The following TGFBRAP1 variants were observed in gnomAD, a reference collection of about 807,000 sequenced individuals.
The protein encoded by TGFBRAP1 is transforming growth factor-beta receptor-associated protein 1.
A neutral mutation model predicts 83.2 loss-of-function variants in TGFBRAP1; 20 were observed. That is an observed-to-expected ratio of 0.24 (90% confidence interval 0.17 to 0.35). TGFBRAP1 has a LOEUF of 0.35. Among genes scored for constraint, TGFBRAP1 ranks in the 10% least tolerant of loss-of-function variants. The pLI, the probability that TGFBRAP1 is intolerant of heterozygous loss-of-function variation, is 1.00. For missense variants in TGFBRAP1, 950 were observed against 1,099.4 expected (o/e 0.86, Z 1.92); for synonymous variants, 415 against 459.8 (o/e 0.90, Z 1.25).
intron 5 of TGFBRAP1, among the ~76,000 whole-genome samples, chr2:105,283,913 T>A (rs149310236): frequency 1.1e-3 from 171 of 152,312 alleles, no homozygotes; most frequent in Non-Finnish European, 1.8e-3. Context: ...AGAAGCACTG[T>A]CTTTTCCCCC....
intron 11 of TGFBRAP1, among the ~76,000 whole-genome samples, chr2:105,268,363 C>T (rs748559118): frequency 6.6e-6 from 1 of 152,128 alleles, no homozygotes; most frequent in East Asian, 1.9e-4. Flanking sequence ...GCTGTGAATG[C>T]GAACACCAAG....
intron 11 of TGFBRAP1, among the ~76,000 whole-genome samples, chr2:105,268,342 A>G (rs1156377998): frequency 6.6e-6 from 1 of 152,204 alleles, no homozygotes; most frequent in Admixed American, 6.5e-5. Context: ...CTCTAATAGT[A>G]GCGGGTAACA....
rs748534171 is a variant in TGFBRAP1, at chr2:105,296,395, T to G, written c.999A>C (p.Ala333=). ...SRRVEEALVL[A]KGARRNIPKE... Reference sequence around the variant, plus strand: ...TTGGAATGTTCCTCCGGGCTCCTTTTGCTAAAACCAAAGCCTCTTCTACTC... The same window carrying G: ...TTGGAATGTTCCTCCGGGCTCCTTTGGCTAAAACCAAAGCCTCTTCTACTC... The change falls in exon 4 of 12, where the codon GCA becomes GCC. Residue 333 remains alanine, a synonymous_variant. Transcript: ENST00000393359. The G allele has an allele frequency of 4.3e-6, 7 of 1,613,994 alleles. No homozygotes were observed. The highest frequency in any genetic ancestry group is 5.9e-6 in the Non-Finnish European group (7 of 1,179,998).
chr2:105,294,590 C>T (rs1182982581), intron 4 of TGFBRAP1, among the ~76,000 whole-genome samples: 2 of 152,050 alleles, frequency 1.3e-5, no homozygotes, highest in Admixed American at 6.6e-5. Context: ...TGGGTGAACT[C>T]GAGATAATTC....
rs567308064 is a variant in TGFBRAP1, at chr2:105,266,288, G to A, written c.*1095C>T. On this transcript the variant is annotated 3_prime_UTR_variant, in exon 12 of 12. Transcript: ENST00000393359. ...AGGCGACACCCCCATCCAGCACACG[G>A]GCCCTTCCACCCGCTGTCGGTCCTG... 9 of 152,286 alleles carry A rather than the reference G, an allele frequency of 5.9e-5. No homozygotes were observed. In the South Asian group the frequency reaches 1.5e-3, roughly 25 times the overall value. The allele number at this position is 152,286 out of a possible 1,614,324, so 9.4% of individuals were successfully genotyped here.
chr2:105,312,160 GA>G (rs1355195190), intron 1 of TGFBRAP1, among the ~76,000 whole-genome samples: 2 of 151,998 alleles, frequency 1.3e-5, no homozygotes, highest in African/African-American at 2.4e-5. Flanking sequence ...CAAAATGATC[GA>G]AAATTTAAAC....
At chr2:105,315,698 A>C (rs1678833508) in intron 1 of TGFBRAP1, among the ~76,000 whole-genome samples, 1 of 152,202 alleles carries the variant, frequency 6.6e-6, no homozygotes. Flanking sequence ...AAAGATCGAC[A>C]ACACCAAATG....
chr2:105,287,993 C>T (rs768870343), intron 4 of TGFBRAP1, among the ~76,000 whole-genome samples: 13 of 152,192 alleles, frequency 8.5e-5, no homozygotes, highest in Non-Finnish European at 1.6e-4. Flanking sequence ...TACACCAACT[C>T]CTAGGCCAAA....
chr2:105,293,121 C>T (rs1474589344), intron 4 of TGFBRAP1, among the ~76,000 whole-genome samples: 1 of 151,982 alleles, frequency 6.6e-6, no homozygotes, highest in Non-Finnish European at 1.5e-5. Context: ...ACTGCGGTTA[C>T]ATTTCAAAGG....
chr2:105,268,019 G>T, intron 11 of TGFBRAP1: 1 of 445,880 alleles, frequency 2.2e-6, no homozygotes, highest in African/African-American at 2.1e-5. Flanking sequence ...CATATTCCTG[G>T]TTGGTCCTGG....
intron 10 of TGFBRAP1, among the ~76,000 whole-genome samples, chr2:105,271,977 G>A (rs1388958877): frequency 1.3e-5 from 2 of 152,158 alleles, no homozygotes; most frequent in Middle Eastern, 3.2e-3. Context: ...GGTGATTTCA[G>A]TGTAGTGCTG....
At chr2:105,312,983 A>C (rs550201971) in intron 1 of TGFBRAP1, among the ~76,000 whole-genome samples, 6 of 152,306 alleles carry the variant, frequency 3.9e-5, no homozygotes, top group African/African-American at 1.4e-4. Context: ...GTGATGGCAC[A>C]TGCCTGTAAT....
chr2:105,269,154 T>C lies in TGFBRAP1; in HGVS notation c.2406+118A>G, dbSNP rs1026280391. ...ATGAGTAGGATCAGATATTGATGTG[T>C]TGTAGTCATAGAGACAGAAAAAAGA... is the stretch of plus-strand genomic sequence containing the variant. On this transcript the variant is annotated intron_variant, in intron 11 of 11. Transcript: ENST00000393359. This position sits in a 1 kb window ranked among gnomAD's most constrained non-coding sequence, Gnocchi z 4.1. 2 of 1,259,506 alleles carry C rather than the reference T, an allele frequency of 1.6e-6. No individual in the cohort carries two copies. The highest frequency in any genetic ancestry group is 1.5e-5 in the African/African-American group (1 of 66,294). 78.0% of individuals were successfully genotyped at this position (1,259,506 alleles called of 1,614,324 possible).
At chr2:105,283,800 A>G (rs762313524) in intron 5 of TGFBRAP1, among the ~76,000 whole-genome samples, 2 of 152,230 alleles carry the variant, frequency 1.3e-5, no homozygotes, top group Admixed American at 6.5e-5. Context: ...TCACAGTGCC[A>G]GAAGGGACCT....
chr2:105,290,403 T>C (rs1677863112), intron 4 of TGFBRAP1, among the ~76,000 whole-genome samples: 1 of 152,152 alleles, frequency 6.6e-6, no homozygotes, highest in Admixed American at 6.5e-5. Flanking sequence ...TTCATATTCA[T>C]TTTTCTATTG....
At chr2:105,257,369 C>T in the TGFBRAP1 span, among the ~76,000 whole-genome samples, 30 of 152,060 alleles carry the variant, frequency 2.0e-4, no homozygotes, top group African/African-American at 7.0e-4. Context: ...ATGCAATCAT[C>T]ACCACCATCA....
At chr2:105,313,863 T>G (rs1044439340) in intron 1 of TGFBRAP1, among the ~76,000 whole-genome samples, 1 of 151,976 alleles carries the variant, frequency 6.6e-6, no homozygotes, top group Non-Finnish European at 1.5e-5. Context: ...TTAAATTAAA[T>G]TAAATTAAAT....
In TGFBRAP1 at chr2:105,272,838, A is replaced by G. The variant is rs748909164; in HGVS notation, c.1972+17T>C. ...TGAGTTTTTTCCAAAGGGAGACAATACTGAGATCATCCTCACCGAGAAGAA... is the reference window on the plus strand; with the variant it reads ...TGAGTTTTTTCCAAAGGGAGACAATGCTGAGATCATCCTCACCGAGAAGAA... On this transcript the variant is annotated intron_variant, in intron 10 of 11. Coordinates refer to ENST00000393359, the MANE Select transcript of TGFBRAP1 (RefSeq NM_004257.6). The G allele has an allele frequency of 3.1e-6, 5 of 1,605,852 alleles. No individual in the cohort carries two copies. The highest frequency in any genetic ancestry group is 4.2e-6 in the Non-Finnish European group (5 of 1,179,308).
intron 5 of TGFBRAP1, among the ~76,000 whole-genome samples, chr2:105,282,719 C>T (rs990721810): frequency 1.1e-4 from 17 of 151,708 alleles, no homozygotes; most frequent in African/African-American, 4.1e-4. Flanking sequence ...CCTAGCTACT[C>T]AGGGGTCTGA....
Sources: gnomAD v4.1 joint callset for allele counts (sites outside exome capture counted in the v4.1 genomes callset) on GRCh38, gnomAD v4.1.1 for gene constraint, Gnocchi (gnomAD v3.1) non-coding constraint, MANE v1.5 for transcripts, NCBI Gene and HGNC (gene_info 2026-07-23, HGNC 2026-07-21) for gene names.